The following MTTP variants were observed in gnomAD, a reference collection of about 807,000 sequenced individuals.
MTTP encodes microsomal triglyceride transfer protein, also known as microsomal triglyceride transfer protein large subunit.
In MTTP, 49 loss-of-function variants were observed where a neutral mutation model predicts 90.6. That is an observed-to-expected ratio of 0.54 (90% CI 0.43 to 0.69). The LOEUF is 0.69. MTTP is among the 30% of genes least tolerant of loss of function. MTTP has a pLI of 0.00. For synonymous variants in MTTP, 347 were observed against 384.2 expected (o/e 0.90, Z 1.13); for missense variants, 945 against 1,067.5 (o/e 0.89, Z 1.60).
At chr4:99,583,686 A>G (rs1725185065) in intron 3 of MTTP, 169 bp downstream of exon 3, 1 of 821,984 alleles carries the variant, frequency 1.2e-6, no homozygotes, top group Non-Finnish European at 2.0e-6. Context: ...AACTGAATCA[A>G]TGCCCTGAGT....
At chr4:99,603,434 GA>G (rs1241222029) in intron 10 of MTTP, among the ~76,000 whole-genome samples, 1 of 152,160 alleles carries the variant, frequency 6.6e-6, no homozygotes, top group Non-Finnish European at 1.5e-5. Context: ...TAGAGTTAGT[GA>G]GATCTGACTG....
rs376390566 is a variant in MTTP, at chr4:99,601,620, G to T, written c.1250G>T (p.Gly417Val). The T allele has an allele frequency of 1.5e-5, 24 of 1,611,158 alleles. No individual in the cohort carries two copies. The highest frequency in any genetic ancestry group is 3.3e-4 in the Middle Eastern group (2 of 6,070). The change falls in exon 10 of 18, where the codon GGT becomes GTT. Residue 417 changes from glycine (G) to valine (V), a missense_variant. Physicochemically the swap from Gly to Val is moderately radical, Grantham distance 109. Coordinates refer to ENST00000265517, the MANE Select transcript of MTTP (RefSeq NM_001386140.1). ...TTTGGTTAATAGAGTAAGTTCAAAG[G>T]TTCTATTGGTAGCAGTGACATCAGA... ...LLRALISKFK[G>V]SIGSSDIRET...
At chr4:99,578,440 C>G (rs1361609274) in intron 1 of MTTP, among the ~76,000 whole-genome samples, 2 of 152,142 alleles carry the variant, frequency 1.3e-5, no homozygotes, top group African/African-American at 4.8e-5. Flanking sequence ...CAGAGAAATA[C>G]TTATCAAAAA....
intron 7 of MTTP, 152 bp downstream of exon 7, chr4:99,595,035 C>CAGG: frequency 1.2e-6 from 1 of 833,354 alleles, no homozygotes; most frequent in Non-Finnish European, 2.0e-6. Context: ...CAATATGCAC[C>CAGG]TGACATAGTG....
intron 10 of MTTP, among the ~76,000 whole-genome samples, chr4:99,603,942 C>T (rs978251042): frequency 3.9e-5 from 6 of 152,184 alleles, no homozygotes; most frequent in African/African-American, 1.4e-4. Context: ...TTAAAATTAC[C>T]TTGAAGGTAG....
In MTTP at chr4:99,606,936, T is replaced by C. The variant is rs149385240; in HGVS notation, c.1533T>C (p.Tyr511=). ...SHLATTALQR[Y]DLPFITDEVK... ...TGGCTACCACTGCTCTCCAGAGATA[T>C]GATCTCCCTTTCATAACTGATGAGG... Residue 511 remains tyrosine (Y), a synonymous_variant, in exon 11 of 18, where the codon TAT becomes TAC. Coordinates refer to ENST00000265517, the MANE Select transcript of MTTP (RefSeq NM_001386140.1). 4.3e-6 allele frequency: 7 copies of C among 1,613,582 alleles called. No individual in the cohort carries two copies. The African/African-American group carries it at 9.4e-5, about 22-fold the overall frequency.
chr4:99,565,437 A>C (rs1441730630), intron 1 of MTTP, among the ~76,000 whole-genome samples: 1 of 152,248 alleles, frequency 6.6e-6, no homozygotes, highest in African/African-American at 2.4e-5. Context: ...AAAGAGCACC[A>C]GCAAAAGTCA....
chr4:99,571,109 C>G (rs1239417177), upstream of MTTP, among the ~76,000 whole-genome samples: 1 of 151,926 alleles, frequency 6.6e-6, no homozygotes, highest in Non-Finnish European at 1.5e-5. Flanking sequence ...CTTTGCACCA[C>G]TCACTCTATC....
At position 99,608,796 on chromosome 4, in the gene MTTP, C is replaced by T; in HGVS notation, c.1588C>T (p.Gln530Ter). ...VKKTLNRIYHQNRKVHEKTVR... is the reference protein window; with the variant it reads ...VKKTLNRIYH Reference sequence around the variant, plus strand: ...GAAGACCTTAAACAGAATATACCACCAAAACCGTAAAGTTCATGAAAAGAC... The same window carrying T: ...GAAGACCTTAAACAGAATATACCACTAAAACCGTAAAGTTCATGAAAAGAC... Residue 530 changes from glutamine (Q) to a stop codon, truncating the protein, a stop_gained, in exon 12 of 18, where the codon CAA becomes TAA. Coordinates refer to ENST00000265517, the MANE Select transcript of MTTP (RefSeq NM_001386140.1). LOFTEE classifies it high-confidence loss of function. 6.2e-7 allele frequency: 1 copy of T among 1,614,074 alleles called. No individual in the cohort carries two copies. Among genetic ancestry groups the T allele is most frequent in the Non-Finnish European group, 8.5e-7 (1 of 1,179,984 alleles).
At chr4:99,580,569 T>C (rs1174935882) in intron 1 of MTTP, among the ~76,000 whole-genome samples, 1 of 74,700 alleles carries the variant, frequency 1.3e-5, no homozygotes, top group Non-Finnish European at 2.3e-5. Context: ...AGTGAGACTC[T>C]GTCTCAAAAA....
chr4:99,568,055 C>T (rs1724745937), intron 1 of MTTP, among the ~76,000 whole-genome samples: 2 of 151,826 alleles, frequency 1.3e-5, no homozygotes, highest in African/African-American at 4.8e-5. Context: ...TAGAGAACCA[C>T]ATAAAAATGA....
At chr4:99,587,527 A>C (rs1347993487) in intron 3 of MTTP, among the ~76,000 whole-genome samples, 7 of 152,198 alleles carry the variant, frequency 4.6e-5, no homozygotes, top group South Asian at 2.1e-4. Flanking sequence ...CCTTATGCAC[A>C]GTCCAAAGAT....
In MTTP at chr4:99,589,680, C is replaced by A. The variant is rs1402477591; in HGVS notation, c.431C>A (p.Ala144Asp). The change falls in exon 4 of 18, where the codon GCC becomes GAC. Residue 144 changes from alanine (A) to aspartate (D), a missense_variant. Transcript: ENST00000265517. ...TACTCATATCAAAATGAGGCAGTGG[C>A]CATAGAAAATATCAAGAGAGGTCTG... ...EFYSYQNEAVAIENIKRGLAS... is the reference protein window; with the variant it reads ...EFYSYQNEAVDIENIKRGLAS... 1.2e-6 allele frequency: 2 copies of A among 1,609,908 alleles called. No individual in the cohort carries two copies. The highest frequency in any genetic ancestry group is 3.3e-5 in the Admixed American group (2 of 59,982).
chr4:99,614,746 T>C (rs1056324090), intron 15 of MTTP, among the ~76,000 whole-genome samples: 2 of 152,234 alleles, frequency 1.3e-5, no homozygotes, highest in African/African-American at 4.8e-5. Context: ...TCACAGAGTC[T>C]GACTCTTTTT....
At chr4:99,598,860 T>C (rs1725626179) in intron 8 of MTTP, among the ~76,000 whole-genome samples, 1 of 151,788 alleles carries the variant, frequency 6.6e-6, no homozygotes, top group Non-Finnish European at 1.5e-5. Context: ...ATGGGGTTTT[T>C]CCATGTTGGT....
chr4:99,591,660 G>A lies in MTTP; in HGVS notation c.628G>A (p.Val210Ile), dbSNP rs764561803. ...CTATTTATTTATTTAGGTCTTGGGTGTCAGTTCAAAAGCTACATCTGTCAC... is the reference window on the plus strand; with the variant it reads ...CTATTTATTTATTTAGGTCTTGGGTATCAGTTCAAAAGCTACATCTGTCAC... The part of the protein sequence containing the change: ...GFTTPNQVLG[V>I]SSKATSVTTY... Residue 210 changes from valine (V) to isoleucine (I), a missense_variant, in exon 6 of 18, where the codon GTC becomes ATC. Physicochemically the swap from Val to Ile is conservative, Grantham distance 29. Coordinates refer to ENST00000265517, the MANE Select transcript of MTTP (RefSeq NM_001386140.1). 1.2e-6 allele frequency: 2 copies of A among 1,612,304 alleles called. No individual in the cohort carries two copies. The highest frequency in any genetic ancestry group is 1.7e-6 in the Non-Finnish European group (2 of 1,178,666).
chr4:99,597,085 T>C lies in MTTP; in HGVS notation c.928T>C (p.Ser310Pro). The change falls in exon 8 of 18, where the codon TCC becomes CCC. Residue 310 changes from serine (S) to proline (P), a missense_variant. Physicochemically the swap from Ser to Pro is moderately conservative, Grantham distance 74. Coordinates refer to ENST00000265517, the MANE Select transcript of MTTP (RefSeq NM_001386140.1). ...TTTGCAGCTCTCGGAGCTCTGGCGG[T>C]CCACCAGGAAATACCTGCAGCCTGA... is the stretch of plus-strand genomic sequence containing the variant. ...GCPSLSELWR[S>P]TRKYLQPDNL... The C allele has an allele frequency of 6.2e-7, 1 of 1,613,970 alleles. No homozygotes were observed. The highest frequency in any genetic ancestry group is 8.5e-7 in the Non-Finnish European group (1 of 1,179,908).
In MTTP at chr4:99,622,674, C is replaced by A. The variant is rs377092385; in HGVS notation, c.2514-3C>A. On this transcript the variant is annotated splice_region_variant and splice_polypyrimidine_tract_variant and intron_variant, in intron 17 of 17. Coordinates refer to ENST00000265517, the MANE Select transcript of MTTP (RefSeq NM_001386140.1). ...TTCTGTTATTGTTGCTGTTGTTGTA[C>A]AGGCAATTTGAGAAAAAGTACGAAA... 1.2e-6 allele frequency: 2 copies of A among 1,613,608 alleles called. No individual in the cohort carries two copies. Among genetic ancestry groups the A allele is most frequent in the African/African-American group, 2.7e-5 (2 of 74,896 alleles).
At chr4:99,617,524 G>C (rs550835805) in intron 15 of MTTP, among the ~76,000 whole-genome samples, 2 of 152,290 alleles carry the variant, frequency 1.3e-5, no homozygotes, top group African/African-American at 4.8e-5. Context: ...TTTGGTCTGA[G>C]TAGGGCAGTT....
Sources: allele counts gnomAD v4.1 joint callset (sites outside exome capture counted in the v4.1 genomes callset), GRCh38; gene constraint gnomAD v4.1.1; transcripts MANE v1.5; gene names NCBI Gene and HGNC (gene_info 2026-07-23, HGNC 2026-07-21).